The following CDK14 variants were observed in gnomAD, a reference collection of about 807,000 sequenced individuals.
CDK14 encodes the protein cyclin dependent kinase 14, also known as cyclin-dependent kinase 14.
Under a neutral mutation model 60.7 loss-of-function variants are expected in CDK14, and 34 were observed. The observed-to-expected ratio is 0.56, with a 90% CI of 0.43 to 0.75. The LOEUF is 0.75. Ranked by LOEUF, CDK14 falls within the 30% of genes least tolerant of loss-of-function variation. The probability of loss-of-function intolerance (pLI) is 0.00; values close to 1 mark genes in which losing one functional copy is unlikely to be tolerated. For synonymous variants in CDK14, 197 were observed against 203.7 expected (o/e 0.97, Z 0.28); for missense variants, 482 against 564.1 (o/e 0.85, Z 1.47).
At chr7:90,953,364 T>C (rs1281042800) in intron 8 of CDK14, among the ~76,000 whole-genome samples, 2 of 152,206 alleles carry the variant, frequency 1.3e-5, no homozygotes, top group Non-Finnish European at 2.9e-5. Context: ...TTTACTGTTA[T>C]TTTGGGAAGT....
At chr7:91,174,419 C>T (rs1225169607) in intron 14 of CDK14, among the ~76,000 whole-genome samples, 2 of 151,224 alleles carry the variant, frequency 1.3e-5, no homozygotes, top group Admixed American at 6.6e-5. Flanking sequence ...TCCAAAGGAA[C>T]ACAGTTCCTC....
At chr7:90,865,357 G>T (rs1272944150) in intron 6 of CDK14, among the ~76,000 whole-genome samples, 1 of 152,086 alleles carries the variant, frequency 6.6e-6, no homozygotes, top group African/African-American at 2.4e-5. Flanking sequence ...TAACTTCCCT[G>T]AATATTACCT....
At chr7:91,069,951 C>A (rs1293584909) in intron 11 of CDK14, among the ~76,000 whole-genome samples, 1 of 152,126 alleles carries the variant, frequency 6.6e-6, no homozygotes, top group African/African-American at 2.4e-5. Context: ...TACACACCAC[C>A]ACACCTAGCT....
At chr7:91,066,394 C>T (rs1277402991) in intron 11 of CDK14, among the ~76,000 whole-genome samples, 1 of 152,162 alleles carries the variant, frequency 6.6e-6, no homozygotes, top group Non-Finnish European at 1.5e-5. Flanking sequence ...AAAGTGTTAG[C>T]TACAAATCTA....
At chr7:90,960,360 A>G (rs990730482) in intron 9 of CDK14, among the ~76,000 whole-genome samples, 3 of 152,100 alleles carry the variant, frequency 2.0e-5, no homozygotes, top group Admixed American at 2.0e-4. Context: ...TCTTCCTTTC[A>G]TCATCTTTTA....
intron 5 of CDK14, among the ~76,000 whole-genome samples, chr7:90,856,041 A>G (rs1252783236): frequency 6.6e-6 from 1 of 152,218 alleles, no homozygotes; most frequent in Non-Finnish European, 1.5e-5. Context: ...CCATCTCCAA[A>G]CTGAAAAACT....
At chr7:90,716,628 C>T (rs758650360) in intron 2 of CDK14, among the ~76,000 whole-genome samples, 37 of 152,010 alleles carry the variant, frequency 2.4e-4, no homozygotes, top group Non-Finnish European at 4.6e-4. Flanking sequence ...AATTCATAAA[C>T]ATATTGGATG....
intron 5 of CDK14, among the ~76,000 whole-genome samples, chr7:90,842,414 T>A (rs1159008526): frequency 6.6e-6 from 1 of 152,110 alleles, no homozygotes; most frequent in African/African-American, 2.4e-5. Context: ...AAGAAGGCAG[T>A]GAGAATGTGC....
intron 5 of CDK14, 45 bp downstream of exon 5, chr7:90,790,697 C>A: frequency 2.4e-6 from 3 of 1,255,038 alleles, no homozygotes; most frequent in South Asian, 2.5e-5. Context: ...TTTCTATGGT[C>A]CCCGTAGCTA....
intron 4 of CDK14, among the ~76,000 whole-genome samples, chr7:90,787,575 T>C (rs1805649779): frequency 6.6e-6 from 1 of 152,180 alleles, no homozygotes; most frequent in Non-Finnish European, 1.5e-5. Flanking sequence ...TATAACAGCA[T>C]TAATATTCAC....
At chr7:90,665,592 G>A (rs1321682361) in intron 2 of CDK14, among the ~76,000 whole-genome samples, 3 of 152,338 alleles carry the variant, frequency 2.0e-5, no homozygotes, top group African/African-American at 7.2e-5. Context: ...TAGCTTTTAA[G>A]TAATGAGGGG....
chr7:90,714,917 A>G (rs1347802605), intron 2 of CDK14, among the ~76,000 whole-genome samples: 2 of 152,070 alleles, frequency 1.3e-5, no homozygotes, highest in Non-Finnish European at 2.9e-5. Context: ...GTTTCGGAGT[A>G]AGAAGATAGT....
chr7:90,609,861 C>T (rs1470928698), intron 2 of CDK14, among the ~76,000 whole-genome samples: 2 of 152,142 alleles, frequency 1.3e-5, no homozygotes, highest in African/African-American at 4.8e-5. Flanking sequence ...TGACTATCAC[C>T]ATTAAGGGCT....
rs548061540 is a variant in CDK14, at chr7:90,653,918, T to G, written c.123+49669T>G. On this transcript the variant is annotated intron_variant, in intron 2 of 14. Coordinates refer to ENST00000380050, the MANE Select transcript of CDK14 (RefSeq NM_001287135.2). ...CACCTATGAGTGAGAACAGGTGGTG[T>G]TTGGTTTTCTGTCCTTGCGATAGTT... Among the ~76,000 whole-genome samples, 11 of 152,280 alleles carry G rather than the reference T, an allele frequency of 7.2e-5. No individual in the cohort carries two copies. In the South Asian group the frequency reaches 1.0e-3, roughly 14 times the overall value.
intron 9 of CDK14, among the ~76,000 whole-genome samples, chr7:90,979,180 A>G (rs1470691727): frequency 2.0e-5 from 3 of 152,172 alleles, no homozygotes; most frequent in African/African-American, 7.2e-5. Context: ...ATTTCAGGTA[A>G]TGTTCGTATG....
chr7:91,006,583 G>C (rs570623124), intron 10 of CDK14, among the ~76,000 whole-genome samples: 1 of 152,122 alleles, frequency 6.6e-6, no homozygotes, highest in Non-Finnish European at 1.5e-5. Context: ...TTTGTGATTT[G>C]TTGAATTAAA....
At chr7:90,995,977 C>T (rs1490607805) in intron 10 of CDK14, among the ~76,000 whole-genome samples, 1 of 152,090 alleles carries the variant, frequency 6.6e-6, no homozygotes. Flanking sequence ...AATTTCCTGG[C>T]CTTATGTGAC....
chr7:90,777,513 T>C (rs1041297923), intron 4 of CDK14, among the ~76,000 whole-genome samples: 15 of 152,240 alleles, frequency 9.9e-5, no homozygotes, highest in Non-Finnish European at 1.5e-4. Flanking sequence ...TTTTTACAAA[T>C]ACAGATGCTA....
chr7:91,145,918 C>CTTTCTTTATTTATTTA (rs1554439765), intron 14 of CDK14, among the ~76,000 whole-genome samples: 1 of 147,750 alleles, frequency 6.8e-6, no homozygotes, highest in African/African-American at 2.5e-5. Context: ...ACCTGGCTTG[C>CTTTCTTTATTTATTTA]TTTATTTATT....
Sources: gnomAD v4.1 joint callset for allele counts (sites outside exome capture counted in the v4.1 genomes callset) on GRCh38, gnomAD v4.1.1 for gene constraint, MANE v1.5 for transcripts, NCBI Gene and HGNC (gene_info 2026-07-23, HGNC 2026-07-21) for gene names.